The following ARHGAP18 variants were observed in gnomAD, a reference collection of about 807,000 sequenced individuals.
ARHGAP18 encodes Rho GTPase activating protein 18.
A neutral mutation model predicts 86.2 loss-of-function variants in ARHGAP18; 67 were observed. The observed-to-expected ratio is 0.78, with a 90% CI of 0.64 to 0.95. ARHGAP18 has a LOEUF of 0.95. Among genes scored for constraint, ARHGAP18 ranks in the 40% least tolerant of loss-of-function variants. ARHGAP18 has a pLI of 0.00. For missense variants in ARHGAP18, 691 were observed against 780.4 expected (o/e 0.89, Z 1.37); for synonymous variants, 283 against 280.4 (o/e 1.01, Z -0.09).
At chr6:129,595,383 C>A (rs1368747275) in intron 12 of ARHGAP18, among the ~76,000 whole-genome samples, 1 of 152,114 alleles carries the variant, frequency 6.6e-6, no homozygotes. Context: ...TGGATTATCT[C>A]TAATTTTGGT....
rs554873932 is a variant in ARHGAP18 at position 129,693,942 on chromosome 6, G to C, written c.113+16082C>G. ...ATGAAATGCCAGTCGACGTCAAGGCGGCACAAAATTATTTACTAAATGGCA... is the reference window on the plus strand; with the variant it reads ...ATGAAATGCCAGTCGACGTCAAGGCCGCACAAAATTATTTACTAAATGGCA... On this transcript the variant is annotated intron_variant, in intron 1 of 14. Transcript: ENST00000368149. Among the ~76,000 whole-genome samples the C allele has an allele frequency of 2.1e-3, 321 of 152,156 alleles. 1 individual carries two copies. Among genetic ancestry groups the C allele is most frequent in the African/African-American group, 7.6e-3 (314 of 41,510 alleles).
intron 1 of ARHGAP18, among the ~76,000 whole-genome samples, chr6:129,642,416 C>T (rs1773487922): frequency 6.6e-6 from 1 of 152,028 alleles, no homozygotes; most frequent in East Asian, 1.9e-4. Context: ...TCCTGAGGAG[C>T]TACTACTACA....
chr6:129,616,115 ATATGAAT>A (rs1789092044), intron 7 of ARHGAP18, 90 bp downstream of exon 7: 2 of 933,950 alleles, frequency 2.1e-6, no homozygotes, highest in Non-Finnish European at 3.1e-6. Flanking sequence ...ACATGACAGT[ATATGAAT>A]TGGAAAACTG....
At chr6:129,627,585 C>T (rs1369399707) in intron 5 of ARHGAP18, among the ~76,000 whole-genome samples, 2 of 150,010 alleles carry the variant, frequency 1.3e-5, no homozygotes, top group South Asian at 4.2e-4. Flanking sequence ...TTAATAACCA[C>T]GTTTCTTTAA....
chr6:129,583,890 CAAA>C, intron 13 of ARHGAP18, 95 bp downstream of exon 13: 1,036 of 1,203,348 alleles, frequency 8.6e-4, no homozygotes, highest in South Asian at 1.4e-3. Context: ...ACAATTAAAA[CAAA>C]AAAAAAAAAA....
chr6:129,601,375 G>A (rs749474491), intron 10 of ARHGAP18, among the ~76,000 whole-genome samples: 2 of 152,090 alleles, frequency 1.3e-5, no homozygotes, highest in Non-Finnish European at 2.9e-5. Flanking sequence ...TGGGCATGGT[G>A]GTGTACACCT....
chr6:129,660,720 T>C (rs911424344), intron 1 of ARHGAP18, among the ~76,000 whole-genome samples: 1 of 152,132 alleles, frequency 6.6e-6, no homozygotes, highest in Non-Finnish European at 1.5e-5. Context: ...ACAGTCAAAA[T>C]AGACAAGAAC....
chr6:129,658,966 T>C (rs920378340), intron 1 of ARHGAP18, among the ~76,000 whole-genome samples: 2 of 152,216 alleles, frequency 1.3e-5, no homozygotes, highest in African/African-American at 4.8e-5. Flanking sequence ...GGACGAAAGT[T>C]ATTTAATTTT....
chr6:129,605,732 C>T, intron 10 of ARHGAP18, 145 bp downstream of exon 10: 1 of 676,002 alleles, frequency 1.5e-6, no homozygotes, highest in East Asian at 2.6e-5. Flanking sequence ...TAAAGGCTTT[C>T]ACCCTCTGTC....
intron 3 of ARHGAP18, among the ~76,000 whole-genome samples, chr6:129,636,048 C>T (rs1773327306): frequency 6.6e-6 from 1 of 152,214 alleles, no homozygotes; most frequent in East Asian, 1.9e-4. Context: ...TTCACTTCCT[C>T]TTAACTCCCT....
At chr6:129,681,368 G>A (rs532637189) in intron 1 of ARHGAP18, among the ~76,000 whole-genome samples, 52 of 152,232 alleles carry the variant, frequency 3.4e-4, no homozygotes, top group African/African-American at 1.1e-3. Flanking sequence ...GAGCCACCGC[G>A]CCCAGCTAGA....
chr6:129,642,036 C>G lies in ARHGAP18; in HGVS notation c.114-18G>C, dbSNP rs780873132. On this transcript the variant is annotated intron_variant, in intron 1 of 14. Coordinates refer to ENST00000368149, the MANE Select transcript of ARHGAP18 (RefSeq NM_033515.3). ...ATCTGCGACTGTAAATTCAAAAGAACCCATGGTTTATTTTAGTACAAAAGG... is the reference window on the plus strand; with the variant it reads ...ATCTGCGACTGTAAATTCAAAAGAAGCCATGGTTTATTTTAGTACAAAAGG... The G allele has an allele frequency of 1.2e-6, 2 of 1,608,964 alleles. No homozygotes were observed. Among genetic ancestry groups the G allele is most frequent in the Non-Finnish European group, 1.7e-6 (2 of 1,176,426 alleles).
At chr6:129,610,176 G>A (rs1788947436) in intron 8 of ARHGAP18, among the ~76,000 whole-genome samples, 2 of 152,302 alleles carry the variant, frequency 1.3e-5, no homozygotes, top group South Asian at 4.2e-4. Context: ...TGGAAGATAG[G>A]GTAAAAGTTA....
In ARHGAP18 at chr6:129,608,063, C is replaced by CCAAA; in HGVS notation, c.1123-12_1123-11insTTTG. 7.8e-6 allele frequency: 5 copies of CCAAA among 643,544 alleles called. No individual in the cohort carries two copies. The highest frequency in any genetic ancestry group is 8.7e-5 in the Admixed American group (1 of 11,530). 39.9% of individuals were successfully genotyped at this position (643,544 alleles called of 1,614,324 possible). On this transcript the variant is annotated splice_polypyrimidine_tract_variant and intron_variant, in intron 8 of 14. Coordinates refer to ENST00000368149, the MANE Select transcript of ARHGAP18 (RefSeq NM_033515.3). ...TTCTTGGCAAAGATTCTGATAGGCA[C>CCAAA]GAAAAAAAAAAAAAAAAAAAAAAGA...
intron 1 of ARHGAP18, among the ~76,000 whole-genome samples, chr6:129,670,404 G>T (rs535818888): frequency 9.2e-5 from 14 of 152,314 alleles, no homozygotes; most frequent in South Asian, 4.1e-4. Flanking sequence ...CGAAGTGGAA[G>T]ATGGAGAAAT....
chr6:129,633,931 T>A, intron 4 of ARHGAP18, 111 bp downstream of exon 4: 2 of 930,778 alleles, frequency 2.1e-6, no homozygotes, highest in East Asian at 5.3e-5. Flanking sequence ...TACATTAACA[T>A]TTTAATAGAA....
At chr6:129,654,882 A>G (rs148953507) in intron 1 of ARHGAP18, among the ~76,000 whole-genome samples, 2 of 152,300 alleles carry the variant, frequency 1.3e-5, no homozygotes, top group East Asian at 3.9e-4. Flanking sequence ...TGCACCGGCC[A>G]AGGCTCCCAG....
At chr6:129,650,510 G>A (rs990292409) in intron 1 of ARHGAP18, among the ~76,000 whole-genome samples, 10 of 152,136 alleles carry the variant, frequency 6.6e-5, no homozygotes, top group Middle Eastern at 3.2e-3. Flanking sequence ...CTCTCAGGAA[G>A]CAGTTTTTCC....
chr6:129,594,366 C>A (rs1206359575), intron 12 of ARHGAP18, among the ~76,000 whole-genome samples: 2 of 152,132 alleles, frequency 1.3e-5, no homozygotes, highest in Non-Finnish European at 2.9e-5. Flanking sequence ...AAATATACAT[C>A]CTTCAACTTT....
Sources: gnomAD v4.1 joint callset for allele counts (sites outside exome capture counted in the v4.1 genomes callset) on GRCh38, gnomAD v4.1.1 for gene constraint, MANE v1.5 for transcripts, NCBI Gene and HGNC (gene_info 2026-07-23, HGNC 2026-07-21) for gene names.